GPLD1: variants seen among roughly 807,000 people sequenced by gnomAD.
GPLD1 encodes phosphatidylinositol-glycan-specific phospholipase D.
GPLD1 carries 84 observed loss-of-function variants against 112.6 expected under a neutral mutation model. The observed-to-expected ratio is 0.75, with a 90% CI of 0.63 to 0.89. The LOEUF (loss-of-function observed/expected upper bound fraction) is 0.89. Ranked by LOEUF, GPLD1 falls within the 40% of genes least tolerant of loss-of-function variation. The probability of loss-of-function intolerance (pLI) is 0.00; values close to 1 mark genes in which losing one functional copy is unlikely to be tolerated. For synonymous variants in GPLD1, 386 were observed against 403.8 expected, an observed-to-expected ratio of 0.96 and a Z score of 0.53; for missense variants, 1,044 against 1,051.5, an observed-to-expected ratio of 0.99 and a Z score of 0.10.
chr6:24,470,879 A>T (rs1161584625), intron 7 of GPLD1, among the ~76,000 whole-genome samples: 1 of 152,180 alleles, frequency 6.6e-6, no homozygotes, highest in East Asian at 1.9e-4. Flanking sequence ...GATTACAGGC[A>T]TGAGCCACCG....
At chr6:24,447,781 T>C in intron 17 of GPLD1, 96 bp downstream of exon 17, 2 of 1,126,188 alleles carry the variant, frequency 1.8e-6, no homozygotes, top group South Asian at 1.5e-5. Context: ...TGAAATGATA[T>C]GGAATAAGGA....
At position 24,426,680 on chromosome 6, in the gene GPLD1, C is replaced by T. The variant is rs1381041950; in HGVS notation, c.*2352G>A. Among the ~76,000 whole-genome samples, 2 of 120,424 alleles carry T rather than the reference C, an allele frequency of 1.7e-5. No homozygotes were observed. Among genetic ancestry groups the T allele is most frequent in the Admixed American group, 9.6e-5 (1 of 10,406 alleles). 79.0% of individuals were successfully genotyped at this position (120,424 alleles called of 152,430 possible). A position where few individuals can be genotyped will look rare whatever the true frequency, so the allele number is the denominator to read the frequency against. On this transcript the variant is annotated 3_prime_UTR_variant, in exon 25 of 25. Transcript: ENST00000230036. ...AGACCCAGTACTGAGAAAAACATCC[C>T]TTTACTCAAGTGTCAGATGTCAGAG...
intron 1 of GPLD1, among the ~76,000 whole-genome samples, chr6:24,487,673 A>G (rs1032288165): frequency 2.6e-5 from 4 of 152,200 alleles, no homozygotes; most frequent in Non-Finnish European, 5.9e-5. Context: ...CAACCCCCTC[A>G]TTTTATAGAA....
chr6:24,487,279 T>C (rs975655942), intron 1 of GPLD1, among the ~76,000 whole-genome samples: 2 of 152,096 alleles, frequency 1.3e-5, no homozygotes, highest in African/African-American at 4.8e-5. Flanking sequence ...TTATAAGAAA[T>C]GAAAAAGTGA....
At chr6:24,434,187 C>T (rs1325210818) in intron 22 of GPLD1, among the ~76,000 whole-genome samples, 1 of 151,924 alleles carries the variant, frequency 6.6e-6, no homozygotes, top group East Asian at 1.9e-4. Context: ...CACTGGAGGT[C>T]AGGAGTTCGA....
chr6:24,465,562 T>C (rs183949666), intron 10 of GPLD1, among the ~76,000 whole-genome samples: 72 of 151,020 alleles, frequency 4.8e-4, no homozygotes, highest in Non-Finnish European at 8.6e-4. Context: ...CAAAAACACA[T>C]GTGCTCTTAA....
intron 3 of GPLD1, among the ~76,000 whole-genome samples, chr6:24,477,998 A>T (rs1303488922): frequency 6.6e-6 from 1 of 152,198 alleles, no homozygotes; most frequent in Admixed American, 6.5e-5. Context: ...AAGACTATTT[A>T]TTGCTGCAGA....
chr6:24,429,599 G>A (rs1057430210), intron 24 of GPLD1, among the ~76,000 whole-genome samples: 1 of 152,218 alleles, frequency 6.6e-6, no homozygotes, highest in South Asian at 2.1e-4. Flanking sequence ...CCAGGCTGGA[G>A]TGCAGTGATG....
At chr6:24,458,981 T>C (rs1272154785) in intron 12 of GPLD1, among the ~76,000 whole-genome samples, 1 of 152,180 alleles carries the variant, frequency 6.6e-6, no homozygotes, top group Non-Finnish European at 1.5e-5. Context: ...CAAAGTTGTC[T>C]AAACCCTTCT....
At position 24,475,179 on chromosome 6, in the gene GPLD1, G is replaced by T; in HGVS notation, c.383C>A (p.Ala128Glu). The T allele has an allele frequency of 6.2e-7, 1 of 1,613,034 alleles. No individual in the cohort carries two copies. The highest frequency in any genetic ancestry group is 8.5e-7 in the Non-Finnish European group (1 of 1,179,072). Residue 128 changes from alanine (A) to glutamate (E), a missense_variant, in exon 5 of 25, where the codon GCA (alanine) becomes GAA (glutamate). Coordinates refer to ENST00000230036, the MANE Select transcript of GPLD1 (RefSeq NM_001503.4). ...FLFGITSHMA[A>E]DVSWHSLGLE... Reference sequence around the variant, plus strand: ...GCCCAGACTATGCCAGCTGACATCTGCCGCCATGTGAGAAGTAATTCCAAA... The same window carrying T: ...GCCCAGACTATGCCAGCTGACATCTTCCGCCATGTGAGAAGTAATTCCAAA...
chr6:24,489,468 C>T lies in GPLD1; in HGVS notation c.44G>A (p.Gly15Asp). 2 of 1,613,986 alleles carry T rather than the reference C, an allele frequency of 1.2e-6. No homozygotes were observed. The highest frequency in any genetic ancestry group is 1.7e-6 in the Non-Finnish European group (2 of 1,179,918). ...RLWPGLLIMLGSLCHRGSPCG... is the reference protein window; with the variant it reads ...RLWPGLLIMLDSLCHRGSPCG... ...CGGTGAACCTCTATGGCAGAGAGAA[C>T]CCAACATGATCAGCAGGCCAGGCCA... The change falls in exon 1 of 25, where the codon GGT becomes GAT. Residue 15 changes from glycine (G) to aspartate (D), a missense_variant. By Grantham distance (94) the Gly-to-Asp change is moderately conservative. Transcript: ENST00000230036.
intron 14 of GPLD1, among the ~76,000 whole-genome samples, chr6:24,450,185 G>T (rs151066341): frequency 1.3e-5 from 2 of 152,270 alleles, no homozygotes; most frequent in African/African-American, 4.8e-5. Context: ...TGTATGTTCA[G>T]ACCCACATTA....
upstream of GPLD1, among the ~76,000 whole-genome samples, chr6:24,489,902 CAG>C (rs1212768846): frequency 1.3e-5 from 2 of 152,198 alleles, no homozygotes; most frequent in African/African-American, 4.8e-5. Context: ...CTCACCTGTG[CAG>C]ATAGTCAACA....
chr6:24,436,473 G>A, intron 22 of GPLD1, 103 bp downstream of exon 22: 2 of 942,732 alleles, frequency 2.1e-6, no homozygotes, highest in Non-Finnish European at 3.3e-6. Flanking sequence ...GACCCTAGGA[G>A]GTATGAATTC....
Position 24,436,591 on chromosome 6 carries a change from TG to T in GPLD1, c.2342del (p.Pro781HisfsTer11). ...MTGKCKSWIT[P>X]CPEEKAQYVL... Reference sequence around the variant, plus strand: ...GAACACTTACCTTTTCTTCTGGACATGGAGTTATCCATGATTTGCATTTGCC... The same window carrying T: ...GAACACTTACCTTTTCTTCTGGACATGAGTTATCCATGATTTGCATTTGCC... On this transcript the variant is annotated frameshift_variant, in exon 22 of 25. Coordinates refer to ENST00000230036, the MANE Select transcript of GPLD1 (RefSeq NM_001503.4). LOFTEE classifies it high-confidence loss of function. 6.2e-7 allele frequency: 1 copy of T among 1,613,888 alleles called. No individual in the cohort carries two copies. The highest frequency in any genetic ancestry group is 8.5e-7 in the Non-Finnish European group (1 of 1,179,838).
chr6:24,451,898 G>GT (rs1246418109), intron 14 of GPLD1, among the ~76,000 whole-genome samples: 5 of 152,306 alleles, frequency 3.3e-5, no homozygotes, highest in Admixed American at 2.6e-4. Flanking sequence ...CTGAGGACTG[G>GT]TTCATTTTAT....
intron 20 of GPLD1, among the ~76,000 whole-genome samples, chr6:24,440,246 T>A (rs1762702933): frequency 6.6e-6 from 1 of 152,062 alleles, no homozygotes; most frequent in Non-Finnish European, 1.5e-5. Flanking sequence ...CTTCAGCTCA[T>A]GAGTTCAAGA....
At chr6:24,433,263 G>A (rs376894125) in intron 23 of GPLD1, 26 bp from the exon 24 acceptor site, 21 of 1,605,474 alleles carry the variant, frequency 1.3e-5, no homozygotes, top group Non-Finnish European at 1.7e-5. Context: ...TCTGTTAATG[G>A]GCTTTGAAGA....
upstream of GPLD1, among the ~76,000 whole-genome samples, chr6:24,489,853 A>C (rs1764507124): frequency 6.6e-6 from 1 of 152,162 alleles, no homozygotes; most frequent in Non-Finnish European, 1.5e-5. Context: ...AGATGCAAGC[A>C]AAGTTGTCTC....
Sources: allele counts gnomAD v4.1 joint callset (sites outside exome capture counted in the v4.1 genomes callset), GRCh38; gene constraint gnomAD v4.1.1; transcripts MANE v1.5; gene names NCBI Gene and HGNC (gene_info 2026-07-23, HGNC 2026-07-21).